The following NCKAP5 variants were observed in gnomAD, a reference collection of about 807,000 sequenced individuals.
NCKAP5 encodes the protein nck-associated protein 5.
Under a neutral mutation model 167.0 loss-of-function variants are expected in NCKAP5, and 92 were observed. That is an observed-to-expected ratio of 0.55 (90% CI 0.47 to 0.66). The LOEUF is 0.66. Ranked by LOEUF, NCKAP5 falls within the 30% of genes least tolerant of loss-of-function variation. NCKAP5 has a pLI of 0.00. For missense variants in NCKAP5, 2,378 were observed against 2,315.0 expected, an observed-to-expected ratio of 1.03 and a Z score of -0.56; for synonymous variants, 891 against 877.4, an observed-to-expected ratio of 1.02 and a Z score of -0.27.
intron 11 of NCKAP5, among the ~76,000 whole-genome samples, chr2:132,814,927 C>T (rs1395908486): frequency 2.0e-5 from 3 of 152,230 alleles, no homozygotes; most frequent in African/African-American, 4.8e-5. Flanking sequence ...TCTGGAGTTC[C>T]GTAAACAATG....
the NCKAP5 span, among the ~76,000 whole-genome samples, chr2:133,606,323 C>T: frequency 2.0e-5 from 3 of 152,124 alleles, no homozygotes; most frequent in African/African-American, 7.2e-5. Flanking sequence ...AAATAAGTTT[C>T]CTACTTTACT....
chr2:133,261,061 T>C (rs2088881762), intron 4 of NCKAP5, among the ~76,000 whole-genome samples: 1 of 152,196 alleles, frequency 6.6e-6, no homozygotes, highest in Admixed American at 6.5e-5. Context: ...GAGGATCTTT[T>C]CCCAGGAGGT....
chr2:133,006,614 T>G (rs956721460), intron 6 of NCKAP5, among the ~76,000 whole-genome samples: 1 of 85,820 alleles, frequency 1.2e-5, no homozygotes, highest in African/African-American at 5.2e-5. Context: ...AGTTTTTATT[T>G]TATTTTATTT....
chr2:132,852,020 T>G (rs1352778946), intron 11 of NCKAP5, among the ~76,000 whole-genome samples: 8 of 152,198 alleles, frequency 5.3e-5, no homozygotes, highest in Admixed American at 3.9e-4. Context: ...GCCAAGAAAT[T>G]AATACTCTAA....
chr2:133,314,105 G>T (rs886114984), intron 3 of NCKAP5, among the ~76,000 whole-genome samples: 11 of 152,228 alleles, frequency 7.2e-5, no homozygotes, highest in Admixed American at 3.3e-4. Flanking sequence ...ATCTGGCCAG[G>T]TATGTTCTAA....
chr2:133,222,148 C>G (rs964556830), intron 4 of NCKAP5, among the ~76,000 whole-genome samples: 1 of 151,990 alleles, frequency 6.6e-6, no homozygotes, highest in African/African-American at 2.4e-5. Context: ...GATTAAGAAC[C>G]CCTTTACACT....
chr2:132,732,094 A>C (rs1318674727), intron 16 of NCKAP5, 43 bp from the exon 17 acceptor site: 1 of 1,516,970 alleles, frequency 6.6e-7, no homozygotes, highest in Non-Finnish European at 8.9e-7. Flanking sequence ...GAGAAGGCTC[A>C]CATAAAAGGA....
chr2:133,623,733 T>A, the NCKAP5 span, among the ~76,000 whole-genome samples: 1 of 152,122 alleles, frequency 6.6e-6, no homozygotes, highest in Non-Finnish European at 1.5e-5. Flanking sequence ...GAAAACAGTG[T>A]GGAGATTCCC....
At chr2:132,823,692 C>T (rs1438909191) in intron 11 of NCKAP5, among the ~76,000 whole-genome samples, 1 of 152,054 alleles carries the variant, frequency 6.6e-6, no homozygotes, top group East Asian at 1.9e-4. Context: ...ATGAATAGAA[C>T]AATACCTCAC....
chr2:133,286,861 G>A (rs1679180678), intron 4 of NCKAP5, among the ~76,000 whole-genome samples: 1 of 152,190 alleles, frequency 6.6e-6, no homozygotes, highest in South Asian at 2.1e-4. Context: ...ATGGTACACA[G>A]AACAGGGAGA....
intron 6 of NCKAP5, among the ~76,000 whole-genome samples, chr2:133,101,419 GT>G (rs2081509884): frequency 7.1e-6 from 1 of 141,236 alleles, no homozygotes; most frequent in African/African-American, 2.8e-5. Context: ...CTTTAAAGTA[GT>G]TTTTTCCAAT....
intron 3 of NCKAP5, among the ~76,000 whole-genome samples, chr2:133,471,510 CA>C (rs1183546334): frequency 6.6e-6 from 1 of 151,806 alleles, no homozygotes; most frequent in Admixed American, 6.6e-5. Flanking sequence ...GTTTTCATAT[CA>C]GGGGGAATAA....
chr2:133,159,947 C>T (rs1222850884), intron 5 of NCKAP5, among the ~76,000 whole-genome samples: 1 of 152,098 alleles, frequency 6.6e-6, no homozygotes, highest in East Asian at 1.9e-4. Flanking sequence ...AGGAAGGGAA[C>T]TGTTTGTACA....
Position 133,464,970 on chromosome 2 carries a change from T to TGTAA in NCKAP5, c.69+52484_69+52487dup, listed in dbSNP as rs1233459805. 6.6e-5 allele frequency among the ~76,000 whole-genome samples: 10 copies of TGTAA among 152,106 alleles called. 1 individual carries two copies. In the South Asian group the frequency reaches 1.0e-3, roughly 16 times the overall value. ...TGAGAAGATCACATGATTTAAGATA[T>TGTAA]GTAAATACACAGAATAGTATCTGGC... On this transcript the variant is annotated intron_variant, in intron 3 of 19. Coordinates refer to ENST00000409261, the MANE Select transcript of NCKAP5 (RefSeq NM_207363.3).
chr2:133,595,804 G>A, the NCKAP5 span, among the ~76,000 whole-genome samples: 1 of 152,064 alleles, frequency 6.6e-6, no homozygotes, highest in Non-Finnish European at 1.5e-5. Context: ...AAACAAACAA[G>A]CATGGCTATG....
At chr2:133,208,804 T>C (rs1307636764) in intron 5 of NCKAP5, among the ~76,000 whole-genome samples, 1 of 152,204 alleles carries the variant, frequency 6.6e-6, no homozygotes, top group Non-Finnish European at 1.5e-5. Context: ...TTTTCTGTAA[T>C]AAAAAGTGTT....
chr2:133,169,486 T>C (rs114821925), intron 5 of NCKAP5, among the ~76,000 whole-genome samples: 1 of 152,344 alleles, frequency 6.6e-6, no homozygotes, highest in African/African-American at 2.4e-5. Flanking sequence ...TCGCAGAGTG[T>C]CTCTGCCATC....
chr2:133,598,448 C>CT, the NCKAP5 span, among the ~76,000 whole-genome samples: 4 of 152,124 alleles, frequency 2.6e-5, no homozygotes, highest in Non-Finnish European at 5.9e-5. Flanking sequence ...GAGAATGATC[C>CT]TTTTATTCTC....
At chr2:133,117,901 A>C (rs1352309184) in intron 6 of NCKAP5, 4 of 152,230 alleles carry the variant, frequency 2.6e-5, no homozygotes, top group African/African-American at 9.6e-5. Context: ...CGAATGATGC[A>C]GGCAGATTCC....
Sources: gnomAD v4.1 joint callset for allele counts (sites outside exome capture counted in the v4.1 genomes callset) on GRCh38, gnomAD v4.1.1 for gene constraint, MANE v1.5 for transcripts, NCBI Gene and HGNC (gene_info 2026-07-23, HGNC 2026-07-21) for gene names.